The following TENM2 variants were observed in gnomAD, a reference collection of about 807,000 sequenced individuals.
TENM2 encodes teneurin transmembrane protein 2, also known as teneurin-2.
A neutral mutation model predicts 245.2 loss-of-function variants in TENM2; 52 were observed. The observed-to-expected ratio is 0.21, with a 90% CI of 0.17 to 0.27. TENM2 has a LOEUF of 0.27. TENM2 is among the 10% of genes least tolerant of loss of function. TENM2 has a pLI of 1.00. For synonymous variants in TENM2, 1,363 were observed against 1,438.9 expected (o/e 0.95, Z 1.19); for missense variants, 3,046 against 3,666.8 (o/e 0.83, Z 4.37).
chr5:167,834,036 A>G (rs533210261), intron 2 of TENM2, among the ~76,000 whole-genome samples: 2 of 152,320 alleles, frequency 1.3e-5, no homozygotes, highest in East Asian at 3.9e-4. Context: ...TACAGTGGCA[A>G]ACTTGTCAGG....
At chr5:167,352,716 C>T (rs796269909) in intron 1 of TENM2, among the ~76,000 whole-genome samples, 11 of 152,304 alleles carry the variant, frequency 7.2e-5, no homozygotes, top group African/African-American at 2.6e-4. Flanking sequence ...ATTTGGCAAT[C>T]TTCTTCTTAG....
intron 3 of TENM2, among the ~76,000 whole-genome samples, chr5:167,913,605 T>C (rs1280456898): frequency 6.6e-6 from 1 of 152,162 alleles, no homozygotes; most frequent in Non-Finnish European, 1.5e-5. Flanking sequence ...ATTGAAACAA[T>C]AGAAATCTGA....
At chr5:168,221,373 G>C (rs748524354) in intron 23 of TENM2, among the ~76,000 whole-genome samples, 1 of 152,134 alleles carries the variant, frequency 6.6e-6, no homozygotes, top group South Asian at 2.1e-4. Flanking sequence ...TCAGAGAATC[G>C]AAGTGACTCC....
At chr5:167,015,042 G>T in the TENM2 span, among the ~76,000 whole-genome samples, 1 of 152,090 alleles carries the variant, frequency 6.6e-6, no homozygotes, top group South Asian at 2.1e-4. Context: ...GCTTTCTTGG[G>T]TGCAGTTTAC....
chr5:167,027,636 T>C, the TENM2 span, among the ~76,000 whole-genome samples: 1 of 152,220 alleles, frequency 6.6e-6, no homozygotes, highest in South Asian at 2.1e-4. Flanking sequence ...TATTGATCTT[T>C]TTCCTGATTA....
At chr5:167,992,506 G>A (rs1162678100) in intron 4 of TENM2, among the ~76,000 whole-genome samples, 1 of 151,858 alleles carries the variant, frequency 6.6e-6, no homozygotes, top group Admixed American at 6.6e-5. Context: ...TCTTTACCTG[G>A]GTGACAAAAT....
At chr5:167,843,346 T>C (rs1424929798) in intron 2 of TENM2, among the ~76,000 whole-genome samples, 1 of 152,224 alleles carries the variant, frequency 6.6e-6, no homozygotes, top group Non-Finnish European at 1.5e-5. Flanking sequence ...GAAATCGCAC[T>C]TTTGAAAGCA....
chr5:168,138,445 G>GAA (rs760284557), intron 12 of TENM2, among the ~76,000 whole-genome samples: 29 of 152,358 alleles, frequency 1.9e-4, no homozygotes, highest in Non-Finnish European at 3.8e-4. Context: ...GAATGGCTAA[G>GAA]AAAATTGTAG....
chr5:167,827,626 G>GAC (rs1554126451), intron 2 of TENM2, among the ~76,000 whole-genome samples: 1 of 108,348 alleles, frequency 9.2e-6, no homozygotes, highest in African/African-American at 3.3e-5. Context: ...GAGCTAGGTG[G>GAC]GCGGGGGGGG....
At chr5:167,964,139 C>G (rs1206891076) in intron 4 of TENM2, among the ~76,000 whole-genome samples, 1 of 152,170 alleles carries the variant, frequency 6.6e-6, no homozygotes, top group Non-Finnish European at 1.5e-5. Flanking sequence ...TTCAATATCA[C>G]CTATCTACTC....
At chr5:167,396,237 A>C (rs913386365) in intron 2 of TENM2, among the ~76,000 whole-genome samples, 4 of 152,152 alleles carry the variant, frequency 2.6e-5, no homozygotes, top group African/African-American at 4.8e-5. Context: ...GAGTGGATAA[A>C]GAAAATGTGG....
intron 2 of TENM2, among the ~76,000 whole-genome samples, chr5:167,756,573 C>T (rs1461157058): frequency 1.3e-5 from 2 of 152,156 alleles, no homozygotes; most frequent in Non-Finnish European, 2.9e-5. Flanking sequence ...GAAATCCCCT[C>T]ATCCTTTGAA....
At chr5:167,819,838 G>A (rs568766557) in intron 2 of TENM2, among the ~76,000 whole-genome samples, 2 of 152,200 alleles carry the variant, frequency 1.3e-5, no homozygotes, top group Non-Finnish European at 2.9e-5. Context: ...GTCTAGGGCT[G>A]TGGCTTCAAT....
intron 5 of TENM2, among the ~76,000 whole-genome samples, chr5:168,017,752 A>G (rs1247599847): frequency 6.6e-6 from 1 of 152,196 alleles, no homozygotes; most frequent in Non-Finnish European, 1.5e-5. Context: ...CTCAATAATT[A>G]TCCCAACTGT....
intron 1 of TENM2, among the ~76,000 whole-genome samples, chr5:167,346,784 TTTC>T (rs1200306037): frequency 4.6e-5 from 7 of 152,104 alleles, no homozygotes; most frequent in African/African-American, 1.7e-4. Flanking sequence ...TATTTTTTTT[TTTC>T]TTGAGACAGA....
At chr5:167,062,452 T>C in the TENM2 span, among the ~76,000 whole-genome samples, 1 of 151,572 alleles carries the variant, frequency 6.6e-6, no homozygotes, top group African/African-American at 2.4e-5. Flanking sequence ...GAACTCAGGT[T>C]GGATTTTAAA....
intron 28 of TENM2, among the ~76,000 whole-genome samples, chr5:168,261,626 T>C (rs1768193708): frequency 6.6e-6 from 1 of 152,198 alleles, no homozygotes; most frequent in African/African-American, 2.4e-5. Flanking sequence ...GCTGTTCAAA[T>C]CAACATCCTG....
At chr5:168,169,362 C>T (rs554611999) in intron 13 of TENM2, among the ~76,000 whole-genome samples, 7 of 152,280 alleles carry the variant, frequency 4.6e-5, no homozygotes, top group African/African-American at 1.7e-4. Flanking sequence ...CTGCAAGGCT[C>T]GGTTCCTTGG....
At chr5:168,182,492 A>G (rs534076920) in intron 13 of TENM2, among the ~76,000 whole-genome samples, 3 of 152,232 alleles carry the variant, frequency 2.0e-5, no homozygotes, top group Non-Finnish European at 4.4e-5. Context: ...ACTGAGCCAC[A>G]GGAATTCAGT....
Sources: allele counts gnomAD v4.1 joint callset (sites outside exome capture counted in the v4.1 genomes callset), GRCh38; gene constraint gnomAD v4.1.1; transcripts MANE v1.5; gene names NCBI Gene and HGNC (gene_info 2026-07-23, HGNC 2026-07-21).